Variants in OR1J2 observed in about 807,000 individuals in gnomAD.
OR1J2 encodes the protein olfactory receptor family 1 subfamily J member 2.
For missense variants in OR1J2, 304 were observed against 246.1 expected, an observed-to-expected ratio of 1.24 and a Z score of -1.57; for synonymous variants, 142 against 99.7, an observed-to-expected ratio of 1.42 and a Z score of -2.52.
the OR1J2 span, chr9:122,554,319 T>G: frequency 8.1e-6 from 5 of 616,100 alleles, no homozygotes; most frequent in African/African-American, 9.2e-5. Flanking sequence ...TTCATTCTTT[T>G]ATTAGGCTGT....
the OR1J2 span, among the ~76,000 whole-genome samples, chr9:122,516,881 G>A: frequency 6.6e-6 from 1 of 152,132 alleles, no homozygotes; most frequent in African/African-American, 2.4e-5. Context: ...GCCTTTGCCT[G>A]CATCAGGTCA....
the OR1J2 span, among the ~76,000 whole-genome samples, chr9:122,489,304 C>T: frequency 2.6e-5 from 4 of 151,854 alleles, no homozygotes; most frequent in African/African-American, 4.8e-5. Context: ...TATTTACACT[C>T]GCCAGACTAC....
the OR1J2 span, among the ~76,000 whole-genome samples, chr9:122,479,854 A>G: frequency 6.6e-6 from 1 of 152,228 alleles, no homozygotes; most frequent in Middle Eastern, 3.2e-3. Flanking sequence ...ATAAAATGTT[A>G]GAGCTATTTA....
chr9:122,504,120 G>A, the OR1J2 span, among the ~76,000 whole-genome samples: 9 of 152,164 alleles, frequency 5.9e-5, no homozygotes, highest in Non-Finnish European at 2.9e-5. Flanking sequence ...AAGGCCCCAT[G>A]CCAAATTTGC....
At chr9:122,530,615 G>A in the OR1J2 span, among the ~76,000 whole-genome samples, 3 of 152,180 alleles carry the variant, frequency 2.0e-5, no homozygotes, top group Admixed American at 6.5e-5. Context: ...TTTCATGCAC[G>A]TCTGTGTGAA....
chr9:122,458,177 A>G, the OR1J2 span, among the ~76,000 whole-genome samples: 2 of 152,192 alleles, frequency 1.3e-5, no homozygotes, highest in African/African-American at 2.4e-5. Flanking sequence ...AGTGTCCACA[A>G]TTTGTAGTTA....
chr9:122,450,298 G>A, the OR1J2 span, among the ~76,000 whole-genome samples: 1 of 152,104 alleles, frequency 6.6e-6, no homozygotes, highest in East Asian at 1.9e-4. Context: ...GCGCTTGGTG[G>A]TGCACACCTG....
the OR1J2 span, chr9:122,526,574 A>G: frequency 6.3e-7 from 1 of 1,591,772 alleles, no homozygotes; most frequent in African/African-American, 1.3e-5. Flanking sequence ...AGAGGTGGGA[A>G]CTGCAGGTGG....
the OR1J2 span, among the ~76,000 whole-genome samples, chr9:122,491,184 G>A: frequency 6.6e-6 from 1 of 151,494 alleles, no homozygotes; most frequent in African/African-American, 2.4e-5. Flanking sequence ...TTTATGGCTT[G>A]GACAGCTGAG....
At chr9:122,529,461 A>G in the OR1J2 span, among the ~76,000 whole-genome samples, 3 of 152,168 alleles carry the variant, frequency 2.0e-5, no homozygotes, top group Admixed American at 6.5e-5. Context: ...GGCTATTTCT[A>G]TGGAGGTTCT....
downstream of OR1J2, among the ~76,000 whole-genome samples, chr9:122,516,372 C>G (rs1200766959): frequency 7.2e-6 from 1 of 138,148 alleles, no homozygotes; most frequent in Admixed American, 7.8e-5. Flanking sequence ...GGCGGGATCT[C>G]GGCTCACTGC....
the OR1J2 span, among the ~76,000 whole-genome samples, chr9:122,464,523 A>G: frequency 6.6e-6 from 1 of 152,174 alleles, no homozygotes; most frequent in South Asian, 2.1e-4. Flanking sequence ...TCTTAGAGCA[A>G]AAGTTCATGG....
At chr9:122,527,040 G>A in the OR1J2 span, 3 of 1,614,078 alleles carry the variant, frequency 1.9e-6, no homozygotes, top group Non-Finnish European at 2.5e-6. Flanking sequence ...GTGATGCCGA[G>A]TCTGTATATT....
chr9:122,574,403 T>C, the OR1J2 span, among the ~76,000 whole-genome samples: 228 of 152,304 alleles, frequency 1.5e-3, 1 homozygote, highest in Admixed American at 5.2e-3. Flanking sequence ...GTGTTCATCT[T>C]GTACTTATTT....
At chr9:122,463,029 T>G in the OR1J2 span, among the ~76,000 whole-genome samples, 1 of 152,210 alleles carries the variant, frequency 6.6e-6, no homozygotes, top group African/African-American at 2.4e-5. Flanking sequence ...TCCAAACTTT[T>G]AGATTTCTCT....
chr9:122,505,067 CCTT>C, the OR1J2 span, among the ~76,000 whole-genome samples: 4 of 152,138 alleles, frequency 2.6e-5, no homozygotes, highest in Admixed American at 2.0e-4. Flanking sequence ...GTCTCCAAGT[CCTT>C]CTGCTCCAAG....
chr9:122,510,764 C>T, upstream of OR1J2: 1 of 1,158,542 alleles, frequency 8.6e-7, no homozygotes, highest in Non-Finnish European at 1.2e-6. Flanking sequence ...CTCTAATATT[C>T]TCAAGCATTC....
the OR1J2 span, among the ~76,000 whole-genome samples, chr9:122,488,070 A>T: frequency 6.6e-6 from 1 of 152,146 alleles, no homozygotes; most frequent in Non-Finnish European, 1.5e-5. Context: ...GCTTTCTTCC[A>T]TGTTGCCTCC....
At chr9:122,460,239 C>T in the OR1J2 span, among the ~76,000 whole-genome samples, 4 of 151,394 alleles carry the variant, frequency 2.6e-5, no homozygotes, top group South Asian at 8.3e-4. Flanking sequence ...TTTAAGTCCT[C>T]GATGTATATA....
Sources: allele counts gnomAD v4.1 joint callset (sites outside exome capture counted in the v4.1 genomes callset), GRCh38; gene constraint gnomAD v4.1.1; transcripts MANE v1.5; gene names NCBI Gene and HGNC (gene_info 2026-07-23, HGNC 2026-07-21).